The following RHOBTB1 variants were observed in gnomAD, a reference collection of about 807,000 sequenced individuals.
The protein encoded by RHOBTB1 is Rho related BTB domain containing 1.
RHOBTB1 carries 40 observed loss-of-function variants against 71.6 expected under a neutral mutation model. The observed-to-expected ratio is 0.56, with a 90% CI of 0.43 to 0.73. RHOBTB1 has a LOEUF of 0.73. RHOBTB1 is among the 30% of genes least tolerant of loss of function. The pLI, the probability that RHOBTB1 is intolerant of heterozygous loss-of-function variation, is 0.00. For synonymous variants in RHOBTB1, 319 were observed against 334.9 expected, an observed-to-expected ratio of 0.95 and a Z score of 0.52; for missense variants, 797 against 894.0, an observed-to-expected ratio of 0.89 and a Z score of 1.38.
the RHOBTB1 span, among the ~76,000 whole-genome samples, chr10:60,861,648 A>T: frequency 2.7e-5 from 4 of 145,546 alleles, no homozygotes; most frequent in South Asian, 8.8e-4. Context: ...GTCAAGAAGA[A>T]CATCCCGTTG....
intron 8 of RHOBTB1, 48 bp from the exon 9 acceptor site, chr10:60,875,090 G>A (rs2132252279): frequency 7.0e-7 from 1 of 1,427,916 alleles, no homozygotes; most frequent in Middle Eastern, 1.7e-4. Context: ...CGCCCTGCGA[G>A]CCAGGTAGCT....
chr10:60,894,433 G>A (rs557708787), intron 4 of RHOBTB1, among the ~76,000 whole-genome samples: 93 of 152,068 alleles, frequency 6.1e-4, no homozygotes, highest in Non-Finnish European at 1.2e-3. Context: ...GATAATATGA[G>A]CAAAAATATG....
chr10:60,979,587 A>T (rs1051856386), intron 2 of RHOBTB1, among the ~76,000 whole-genome samples: 10 of 152,322 alleles, frequency 6.6e-5, no homozygotes, highest in African/African-American at 2.4e-4. Context: ...CAATTTAACC[A>T]ATACCAGGCA....
chr10:60,901,181 A>C (rs10821852), intron 4 of RHOBTB1, among the ~76,000 whole-genome samples: 44,202 of 152,118 alleles, frequency 0.29, 8,739 homozygotes, highest in African/African-American at 0.57. Context: ...CACTAATGTG[A>C]TTTCTGTGTC....
At chr10:60,995,244 C>A (rs2087008638) in intron 1 of RHOBTB1, among the ~76,000 whole-genome samples, 1 of 152,136 alleles carries the variant, frequency 6.6e-6, no homozygotes, top group South Asian at 2.1e-4. Flanking sequence ...GTGTACCAGG[C>A]ACCTTACTGA....
At chr10:60,929,393 C>T (rs192820529) in intron 2 of RHOBTB1, among the ~76,000 whole-genome samples, 10 of 152,124 alleles carry the variant, frequency 6.6e-5, no homozygotes, top group African/African-American at 7.2e-5. Context: ...GATATTTATA[C>T]GAAAGCAACA....
chr10:60,959,327 C>T (rs1042788338), intron 2 of RHOBTB1, among the ~76,000 whole-genome samples: 1 of 152,090 alleles, frequency 6.6e-6, no homozygotes, highest in Non-Finnish European at 1.5e-5. Context: ...AAAAAGTTTC[C>T]AGGGATGTAG....
intron 1 of RHOBTB1, among the ~76,000 whole-genome samples, chr10:60,988,573 T>C (rs548701735): frequency 6.6e-6 from 1 of 152,300 alleles, no homozygotes; most frequent in African/African-American, 2.4e-5. Context: ...TTACCAGTTC[T>C]GTGATAATTC....
At chr10:60,868,590 G>A (rs2080654072), downstream of RHOBTB1, among the ~76,000 whole-genome samples, 1 of 152,224 alleles carries the variant, frequency 6.6e-6, no homozygotes, top group Non-Finnish European at 1.5e-5. Context: ...TTTTGCTTCT[G>A]AGTGTCCATA....
chr10:60,880,293 G>A (rs916258043), intron 7 of RHOBTB1, among the ~76,000 whole-genome samples: 1 of 151,352 alleles, frequency 6.6e-6, no homozygotes, highest in African/African-American at 2.4e-5. Flanking sequence ...GTGTATGTAT[G>A]TATAATGGCC....
chr10:60,879,622 GGCATGAGCC>G (rs1241460865), intron 7 of RHOBTB1, among the ~76,000 whole-genome samples: 2 of 152,084 alleles, frequency 1.3e-5, no homozygotes, highest in Non-Finnish European at 2.9e-5. Flanking sequence ...TGGGATTACA[GGCATGAGCC>G]ACTGTGACTG....
At chr10:60,966,477 T>C (rs991142969) in intron 2 of RHOBTB1, among the ~76,000 whole-genome samples, 1 of 151,488 alleles carries the variant, frequency 6.6e-6, no homozygotes, top group Non-Finnish European at 1.5e-5. Context: ...TGAGATCAGC[T>C]TGGGCAACAT....
At chr10:60,884,698 C>T (rs1340599561) in intron 7 of RHOBTB1, among the ~76,000 whole-genome samples, 4 of 152,072 alleles carry the variant, frequency 2.6e-5, no homozygotes, top group East Asian at 1.9e-4. Flanking sequence ...ATGCATGAAC[C>T]TAAAGGATAT....
chr10:60,981,762 G>T (rs2134811471), intron 2 of RHOBTB1, among the ~76,000 whole-genome samples: 1 of 152,078 alleles, frequency 6.6e-6, no homozygotes, highest in Admixed American at 6.6e-5. Flanking sequence ...CAGTCACTTG[G>T]TATTATAAGT....
chr10:60,873,760 T>C (rs2080912781), intron 9 of RHOBTB1, among the ~76,000 whole-genome samples: 1 of 152,248 alleles, frequency 6.6e-6, no homozygotes, highest in Non-Finnish European at 1.5e-5. Flanking sequence ...AGATGTCTAT[T>C]CTCAGTTTCA....
chr10:60,918,542 T>C (rs1244394269), intron 2 of RHOBTB1, among the ~76,000 whole-genome samples: 2 of 152,140 alleles, frequency 1.3e-5, no homozygotes, highest in African/African-American at 2.4e-5. Context: ...GTAGGGCCAC[T>C]AATTGATTTC....
At chr10:60,883,725 C>T (rs573453166) in intron 7 of RHOBTB1, among the ~76,000 whole-genome samples, 10 of 152,294 alleles carry the variant, frequency 6.6e-5, no homozygotes, top group Admixed American at 6.5e-4. Flanking sequence ...CAGAATAAGT[C>T]CAGCGGCAGC....
intron 7 of RHOBTB1, among the ~76,000 whole-genome samples, chr10:60,883,741 T>C (rs1042039048): frequency 6.6e-6 from 1 of 152,198 alleles, no homozygotes; most frequent in Admixed American, 6.5e-5. Context: ...GCAGCTACTA[T>C]TTATTGAATG....
intron 2 of RHOBTB1, among the ~76,000 whole-genome samples, chr10:60,970,191 C>T (rs2134657580): frequency 6.6e-6 from 1 of 152,166 alleles, no homozygotes; most frequent in South Asian, 2.1e-4. Flanking sequence ...TCTGTCAATG[C>T]TATAATTAAA....
Sources: gnomAD v4.1 joint callset for allele counts (sites outside exome capture counted in the v4.1 genomes callset) on GRCh38, gnomAD v4.1.1 for gene constraint, MANE v1.5 for transcripts, NCBI Gene and HGNC (gene_info 2026-07-23, HGNC 2026-07-21) for gene names.